FARS2: variants seen among roughly 807,000 people sequenced by gnomAD.
FARS2 encodes phenylalanyl-tRNA synthetase 2, mitochondrial.
Under a neutral mutation model 46.4 loss-of-function variants are expected in FARS2, and 40 were observed. The ratio of observed to expected loss-of-function variants is 0.86; its 90% confidence interval spans 0.67 to 1.12. The LOEUF is 1.12. Among genes scored for constraint, FARS2 ranks in the 50% most tolerant of loss-of-function variants. The pLI, the probability that FARS2 is intolerant of heterozygous loss-of-function variation, is 0.00. For missense variants in FARS2, 513 were observed against 567.9 expected (o/e 0.90, Z 0.98); for synonymous variants, 234 against 214.9 (o/e 1.09, Z -0.78).
At chr6:5,476,919 T>C (rs1766156418) in intron 4 of FARS2, among the ~76,000 whole-genome samples, 1 of 152,186 alleles carries the variant, frequency 6.6e-6, no homozygotes, top group South Asian at 2.1e-4. Context: ...TTTGGAAGTG[T>C]AGGATATTAA....
At chr6:5,560,583 C>G (rs1771928456) in intron 5 of FARS2, among the ~76,000 whole-genome samples, 1 of 152,012 alleles carries the variant, frequency 6.6e-6, no homozygotes, top group African/African-American at 2.4e-5. Context: ...CCTCATAAAA[C>G]TAGTTTAGAA....
chr6:5,372,977 A>G (rs567455522), intron 2 of FARS2, among the ~76,000 whole-genome samples: 104 of 152,230 alleles, frequency 6.8e-4, no homozygotes, highest in Non-Finnish European at 1.3e-3. Context: ...AATCTTACCA[A>G]ATTGAGAGAG....
At position 5,613,337 on chromosome 6, in the gene FARS2, C is replaced by T; in HGVS notation, c.1217+17C>T. 1 of 1,606,822 alleles carries T rather than the reference C, an allele frequency of 6.2e-7. No individual in the cohort carries two copies. Among genetic ancestry groups the T allele is most frequent in the Non-Finnish European group, 8.5e-7 (1 of 1,176,388 alleles). Reference sequence around the variant, plus strand: ...ACATCCAAAGTAAGTGAAAAGCTTTCTGATTTTACCCTTGACTATCTCTGT... The same window carrying T: ...ACATCCAAAGTAAGTGAAAAGCTTTTTGATTTTACCCTTGACTATCTCTGT... On this transcript the variant is annotated intron_variant, in intron 6 of 6. Transcript: ENST00000274680.
intron 1 of FARS2, among the ~76,000 whole-genome samples, chr6:5,344,742 C>T (rs809490): frequency 0.17 from 26,345 of 151,658 alleles, 3,799 homozygotes; most frequent in African/African-American, 0.4. Context: ...GCCAGTCCCG[C>T]TTCTTCACTA....
At chr6:5,535,013 A>G (rs1466494040) in intron 4 of FARS2, among the ~76,000 whole-genome samples, 1 of 152,146 alleles carries the variant, frequency 6.6e-6, no homozygotes, top group Non-Finnish European at 1.5e-5. Context: ...GTTTCTCCAC[A>G]TCCTTCTCAA....
At chr6:5,666,084 C>T (rs1056536263) in intron 6 of FARS2, among the ~76,000 whole-genome samples, 5 of 152,148 alleles carry the variant, frequency 3.3e-5, no homozygotes, top group South Asian at 2.1e-4. Context: ...TCTAGCGTAC[C>T]GCACTTGAAA....
intron 4 of FARS2, among the ~76,000 whole-genome samples, chr6:5,526,036 C>T (rs1769443401): frequency 6.6e-6 from 1 of 152,218 alleles, no homozygotes; most frequent in African/African-American, 2.4e-5. Context: ...CAATTAGTAT[C>T]TATCCAATAA....
chr6:5,443,797 C>G (rs1763975119), intron 4 of FARS2, among the ~76,000 whole-genome samples: 1 of 152,210 alleles, frequency 6.6e-6, no homozygotes, highest in Admixed American at 6.5e-5. Flanking sequence ...TTTCAGCTTA[C>G]CGAGGGCTCA....
chr6:5,487,557 G>C (rs1442390632), intron 4 of FARS2, among the ~76,000 whole-genome samples: 1 of 152,140 alleles, frequency 6.6e-6, no homozygotes, highest in African/African-American at 2.4e-5. Context: ...TTACAGAGTG[G>C]AGGCCTAGAG....
chr6:5,461,100 A>G (rs1315444229), intron 4 of FARS2, among the ~76,000 whole-genome samples: 4 of 150,838 alleles, frequency 2.7e-5, no homozygotes, highest in African/African-American at 9.8e-5. Flanking sequence ...GTGCAGTGGC[A>G]TGATCTCAGC....
At position 5,613,164 on chromosome 6, in the gene FARS2, G is replaced by T. The variant is rs1775278777; in HGVS notation, c.1066-5G>T. The T allele has an allele frequency of 6.2e-7, 1 of 1,609,566 alleles. No homozygotes were observed. Among genetic ancestry groups the T allele is most frequent in the African/African-American group, 1.3e-5 (1 of 74,692 alleles). On this transcript the variant is annotated splice_polypyrimidine_tract_variant and splice_region_variant and intron_variant, in intron 5 of 6. Transcript: ENST00000274680. Reference sequence around the variant, plus strand: ...CATGTATCTTTTCTCCTCTTGTTTTGTTAGCCTCTTAGCAAATATCCGGCT... The same window carrying T: ...CATGTATCTTTTCTCCTCTTGTTTTTTTAGCCTCTTAGCAAATATCCGGCT...
At chr6:5,601,524 CAAAAAAAAAAAAAAAA>C (rs70975920) in intron 5 of FARS2, among the ~76,000 whole-genome samples, 1 of 92,164 alleles carries the variant, frequency 1.1e-5, no homozygotes, top group African/African-American at 5.0e-5. Context: ...AACTCCATCA[CAAAAAAAAAAAAAAAA>C]AAAAAAAAAA....
At chr6:5,610,883 C>A (rs1775142160) in intron 5 of FARS2, among the ~76,000 whole-genome samples, 1 of 152,228 alleles carries the variant, frequency 6.6e-6, no homozygotes, top group South Asian at 2.1e-4. Context: ...GGGATGGAGG[C>A]AACGCTCTGT....
At chr6:5,478,450 T>A (rs1018827008) in intron 4 of FARS2, among the ~76,000 whole-genome samples, 2 of 152,218 alleles carry the variant, frequency 1.3e-5, no homozygotes, top group Non-Finnish European at 2.9e-5. Flanking sequence ...AACAGGAAGC[T>A]TAGGCACAGA....
At chr6:5,421,160 G>T (rs140835909) in intron 3 of FARS2, among the ~76,000 whole-genome samples, 8 of 152,254 alleles carry the variant, frequency 5.3e-5, no homozygotes, top group African/African-American at 1.7e-4. Flanking sequence ...TGACTTCTGT[G>T]TACTCACAGG....
At chr6:5,444,191 G>A (rs765342198) in intron 4 of FARS2, among the ~76,000 whole-genome samples, 4 of 151,906 alleles carry the variant, frequency 2.6e-5, no homozygotes, top group East Asian at 3.9e-4. Context: ...AGCGCAGGCT[G>A]GGTGCAATGG....
At chr6:5,456,862 G>A (rs2432796) in intron 4 of FARS2, 35,944 of 151,662 alleles carry the variant, frequency 0.24, 4,671 homozygotes, top group East Asian at 0.36. Context: ...CCCCCAAACC[G>A]TCCACAGAAG....
At chr6:5,577,009 A>G (rs1371541449) in intron 5 of FARS2, among the ~76,000 whole-genome samples, 2 of 152,128 alleles carry the variant, frequency 1.3e-5, no homozygotes, top group African/African-American at 4.8e-5. Context: ...GTATACACCT[A>G]TATAAAAACC....
chr6:5,308,220 G>A (rs1426214033), intron 1 of FARS2, among the ~76,000 whole-genome samples: 1 of 152,158 alleles, frequency 6.6e-6, no homozygotes, highest in African/African-American at 2.4e-5. Flanking sequence ...AGGGTGCCTG[G>A]ATGTTTACAA....
Sources: gnomAD v4.1 joint callset for allele counts (sites outside exome capture counted in the v4.1 genomes callset) on GRCh38, gnomAD v4.1.1 for gene constraint, MANE v1.5 for transcripts, NCBI Gene and HGNC (gene_info 2026-07-23, HGNC 2026-07-21) for gene names.